The following DYNC2I2 variants were observed in gnomAD, a reference collection of about 807,000 sequenced individuals.
DYNC2I2 encodes dynein 2 intermediate chain 2.
A neutral mutation model predicts 52.0 loss-of-function variants in DYNC2I2; 39 were observed. The observed-to-expected ratio is 0.75, with a 90% CI of 0.58 to 0.98. DYNC2I2 has a LOEUF of 0.98. Ranked by LOEUF, DYNC2I2 falls within the 50% of genes least tolerant of loss-of-function variation. The probability of loss-of-function intolerance (pLI) is 0.00; values close to 1 mark genes in which losing one functional copy is unlikely to be tolerated. For synonymous variants in DYNC2I2, 359 were observed against 321.1 expected (o/e 1.12, Z -1.26); for missense variants, 743 against 728.4 (o/e 1.02, Z -0.23).
At chr9:128,647,697 C>A (rs10118729) in intron 1 of DYNC2I2, among the ~76,000 whole-genome samples, 18,289 of 148,820 alleles carry the variant, frequency 0.12, 2,022 homozygotes, top group African/African-American at 0.28. Context: ...ACACCACTGC[C>A]CTGCAGCCTG....
intron 1 of DYNC2I2, among the ~76,000 whole-genome samples, chr9:128,641,262 T>C (rs948418360): frequency 1.3e-5 from 2 of 152,104 alleles, no homozygotes; most frequent in African/African-American, 2.4e-5. Context: ...GAGGGCTCCC[T>C]TTCTGAAGAT....
chr9:128,671,901 C>T, the DYNC2I2 span, among the ~76,000 whole-genome samples: 1 of 151,346 alleles, frequency 6.6e-6, no homozygotes, highest in African/African-American at 2.4e-5. Flanking sequence ...GATCCGCCCG[C>T]CTCGGCCTCC....
At chr9:128,675,043 T>C in the DYNC2I2 span, among the ~76,000 whole-genome samples, 6 of 152,192 alleles carry the variant, frequency 3.9e-5, no homozygotes, top group African/African-American at 7.2e-5. Flanking sequence ...TCAGCCTTCC[T>C]GAGCGGTCTG....
At chr9:128,684,078 C>T in the DYNC2I2 span, 1 of 1,250,530 alleles carries the variant, frequency 8.0e-7, no homozygotes, top group South Asian at 1.3e-5. Flanking sequence ...ATTTTTACCC[C>T]CCAATCCCTC....
At chr9:128,667,437 T>TG in the DYNC2I2 span, among the ~76,000 whole-genome samples, 1 of 151,960 alleles carries the variant, frequency 6.6e-6, no homozygotes, top group African/African-American at 2.4e-5. Flanking sequence ...GCGATTCTCC[T>TG]GCCTCAGCCT....
intron 4 of DYNC2I2, 166 bp downstream of exon 4, chr9:128,636,110 TCCACC>T (rs1378787883): frequency 4.7e-6 from 5 of 1,055,680 alleles, no homozygotes; most frequent in Non-Finnish European, 7.2e-6. Flanking sequence ...TCCCCCGAGT[TCCACC>T]CCTCAGGGCT....
chr9:128,642,519 C>T (rs1860534593), intron 1 of DYNC2I2, among the ~76,000 whole-genome samples: 1 of 150,852 alleles, frequency 6.6e-6, no homozygotes, highest in South Asian at 2.1e-4. Flanking sequence ...GCCTGTAATC[C>T]CAGCACTTTG....
the DYNC2I2 span, among the ~76,000 whole-genome samples, chr9:128,668,154 T>A: frequency 6.6e-6 from 1 of 151,100 alleles, no homozygotes; most frequent in Non-Finnish European, 1.5e-5. Context: ...AGAGACGGGG[T>A]TTCATCATGT....
In DYNC2I2 at chr9:128,646,578, G is replaced by A. The variant is rs117566515; in HGVS notation, c.187-5639C>T. On this transcript the variant is annotated intron_variant, in intron 1 of 8. Transcript: ENST00000372715. ...GTGAACTAGAAAGAAGTCAATGCCC[G>A]GCTTCAAAGCTTCGAGAGACAGGCT... Among the ~76,000 whole-genome samples the A allele has an allele frequency of 2.7e-3, 413 of 152,330 alleles. 9 individuals are homozygous for A. The East Asian group carries it at 0.04, about 15-fold the overall frequency.
At chr9:128,669,049 G>A in the DYNC2I2 span, among the ~76,000 whole-genome samples, 1 of 151,788 alleles carries the variant, frequency 6.6e-6, no homozygotes, top group African/African-American at 2.4e-5. Flanking sequence ...TGACCAACAT[G>A]GCAAAACCCC....
chr9:128,674,582 A>G, the DYNC2I2 span, among the ~76,000 whole-genome samples: 1 of 152,028 alleles, frequency 6.6e-6, no homozygotes, highest in Non-Finnish European at 1.5e-5. Context: ...GTCTGTACTA[A>G]AAATACAAAA....
the DYNC2I2 span, among the ~76,000 whole-genome samples, chr9:128,670,950 C>T: frequency 6.6e-6 from 1 of 151,652 alleles, no homozygotes; most frequent in Non-Finnish European, 1.5e-5. Flanking sequence ...GCCTGTAATC[C>T]CAGCTACTTG....
chr9:128,658,191 A>T (rs1181365624), upstream of DYNC2I2, among the ~76,000 whole-genome samples: 84 of 149,768 alleles, frequency 5.6e-4, no homozygotes, highest in African/African-American at 2.0e-3. Context: ...TTTAAGACAG[A>T]GTCTCACTCT....
intron 2 of DYNC2I2, among the ~76,000 whole-genome samples, chr9:128,639,126 G>A (rs1053294243): frequency 5.3e-5 from 8 of 152,156 alleles, no homozygotes; most frequent in Middle Eastern, 3.4e-3. Flanking sequence ...TTGGCCAGGC[G>A]AGGTGGCTCA....
chr9:128,667,456 G>T, the DYNC2I2 span, among the ~76,000 whole-genome samples: 1 of 151,752 alleles, frequency 6.6e-6, no homozygotes, highest in Non-Finnish European at 1.5e-5. Context: ...CTCCCGAGTA[G>T]CTGGGACTAC....
At chr9:128,649,688 C>CAAA (rs34154610) in intron 1 of DYNC2I2, among the ~76,000 whole-genome samples, 43 of 47,154 alleles carry the variant, frequency 9.1e-4, no homozygotes, top group East Asian at 1.9e-3. Context: ...GACTCCATCT[C>CAAA]AAAAAAAAAA....
At chr9:128,637,662 C>T (rs376812410) in intron 2 of DYNC2I2, among the ~76,000 whole-genome samples, 1 of 152,120 alleles carries the variant, frequency 6.6e-6, no homozygotes, top group Non-Finnish European at 1.5e-5. Flanking sequence ...AGGCTAGTCT[C>T]GAACTCCTGA....
At chr9:128,639,137 C>T (rs914773413) in intron 2 of DYNC2I2, among the ~76,000 whole-genome samples, 21 of 152,064 alleles carry the variant, frequency 1.4e-4, no homozygotes, top group Admixed American at 1.2e-3. Flanking sequence ...AGGTGGCTCA[C>T]GCCTGTAATC....
chr9:128,652,342 G>A (rs1362443787), intron 1 of DYNC2I2, among the ~76,000 whole-genome samples: 1 of 148,088 alleles, frequency 6.8e-6, no homozygotes, highest in Non-Finnish European at 1.5e-5. Context: ...TGAGGCAGGA[G>A]AATCGCTTGA....
Sources: gnomAD v4.1 joint callset for allele counts (sites outside exome capture counted in the v4.1 genomes callset) on GRCh38, gnomAD v4.1.1 for gene constraint, MANE v1.5 for transcripts, NCBI Gene and HGNC (gene_info 2026-07-23, HGNC 2026-07-21) for gene names.